Variants in KIF6 observed in about 807,000 individuals in gnomAD.
The protein encoded by KIF6 is kinesin family member 6, also known as kinesin-like protein KIF6.
A neutral mutation model predicts 112.7 loss-of-function variants in KIF6; 106 were observed. The observed-to-expected ratio is 0.94, with a 90% CI of 0.80 to 1.11. The LOEUF (loss-of-function observed/expected upper bound fraction) is 1.11, where lower values mean the gene tolerates loss of function less well. KIF6 is among the 50% of genes least tolerant of loss of function. The pLI, the probability that KIF6 is intolerant of heterozygous loss-of-function variation, is 0.00. For synonymous variants in KIF6, 339 were observed against 339.9 expected (o/e 1.00, Z 0.03); for missense variants, 929 against 964.0 (o/e 0.96, Z 0.48).
chr6:39,522,956 C>T (rs907943465), intron 13 of KIF6, among the ~76,000 whole-genome samples: 1 of 152,232 alleles, frequency 6.6e-6, no homozygotes, highest in African/African-American at 2.4e-5. Context: ...ATGGCTACAA[C>T]AGTCAATTAT....
chr6:39,544,794 T>C (rs1395729240), intron 11 of KIF6, 101 bp from the exon 12 acceptor site: 6 of 630,126 alleles, frequency 9.5e-6, no homozygotes, highest in Non-Finnish European at 1.6e-5. Flanking sequence ...ACATCAGGCA[T>C]GTGTGACCTG....
At chr6:39,606,844 T>C (rs939877048) in intron 6 of KIF6, among the ~76,000 whole-genome samples, 2 of 152,204 alleles carry the variant, frequency 1.3e-5, no homozygotes, top group Non-Finnish European at 2.9e-5. Context: ...CTCATCACTC[T>C]AACCAAAAGA....
Position 39,337,156 on chromosome 6 carries a change from TTTCTTTCTTTCCTTCC to T in KIF6, c.2429-624_2429-609del, listed in dbSNP as rs1473037935. On this transcript the variant is annotated intron_variant, in intron 22 of 22. Coordinates refer to ENST00000287152, the MANE Select transcript of KIF6 (RefSeq NM_145027.6). ...CCTTCCTTCCTTCCTTTCTCTTTCT[TTTCTTTCTTTCCTTCC>T]TTCTTTCTTTCTTTCTTTCTTTCTT... 1.5e-4 allele frequency among the ~76,000 whole-genome samples: 8 copies of T among 51,664 alleles called. No individual in the cohort carries two copies. In the African/African-American group the frequency reaches 1.6e-3, roughly 10 times the overall value. 33.9% of individuals were successfully genotyped at this position (51,664 alleles called of 152,430 possible). A position where few individuals can be genotyped will look rare whatever the true frequency, so the allele number is the denominator to read the frequency against.
chr6:39,519,093 T>A (rs554024413), intron 13 of KIF6, among the ~76,000 whole-genome samples: 1 of 152,274 alleles, frequency 6.6e-6, no homozygotes, highest in Non-Finnish European at 1.5e-5. Context: ...ATGAACACTC[T>A]TAGGCTAGCC....
At position 39,419,978 on chromosome 6, in the gene KIF6, C is replaced by T; in HGVS notation, c.1780G>A (p.Glu594Lys). 1 of 1,613,514 alleles carries T rather than the reference C, an allele frequency of 6.2e-7. No homozygotes were observed. Among genetic ancestry groups the T allele is most frequent in the Non-Finnish European group, 8.5e-7 (1 of 1,179,450 alleles). ...TTACTTCTTGCTTCATTTATACTTT[C>T]TCCCAGGGCCTTGGCTTCAGAAAAT... is the stretch of plus-strand genomic sequence containing the variant. ...QRFSEAKALG[E>K]SINEARSKIG... The change falls in exon 15 of 23, where the codon GAA (glutamate) becomes AAA (lysine). Residue 594 changes from glutamate (E) to lysine (K), a missense_variant. By Grantham distance (56) the Glu-to-Lys change is moderately conservative (BLOSUM62 1). Transcript: ENST00000287152.
At chr6:39,480,562 C>T (rs1042528537) in intron 13 of KIF6, among the ~76,000 whole-genome samples, 1 of 151,888 alleles carries the variant, frequency 6.6e-6, no homozygotes, top group Non-Finnish European at 1.5e-5. Context: ...TACGGTGATG[C>T]TGGCTTCACA....
At position 39,706,785 on chromosome 6, in the gene KIF6, GA is replaced by G. The variant is rs891832949; in HGVS notation, c.251+7906del. Reference sequence around the variant, plus strand: ...GTGAATAACGTTTCCTGTAAACTTGGAAAAAAAACAAAATGTCACTGGTGTT... The same window carrying G: ...GTGAATAACGTTTCCTGTAAACTTGGAAAAAAACAAAATGTCACTGGTGTT... On this transcript the variant is annotated intron_variant, in intron 3 of 22. Transcript: ENST00000287152. Among the ~76,000 whole-genome samples, 5 of 151,606 alleles carry G rather than the reference GA, an allele frequency of 3.3e-5. No individual in the cohort carries two copies. In the East Asian group the frequency reaches 7.7e-4, roughly 23 times the overall value.
chr6:39,414,516 G>A (rs970772826), intron 15 of KIF6, among the ~76,000 whole-genome samples: 2 of 152,180 alleles, frequency 1.3e-5, no homozygotes, highest in Admixed American at 6.5e-5. Context: ...CAGATGTAAC[G>A]CTGAGTGGCG....
intron 19 of KIF6, among the ~76,000 whole-genome samples, chr6:39,356,411 G>A (rs936474646): frequency 2.0e-5 from 3 of 151,870 alleles, no homozygotes; most frequent in East Asian, 1.9e-4. Context: ...GATTACAGGC[G>A]TGTGCCACCG....
intron 15 of KIF6, among the ~76,000 whole-genome samples, chr6:39,386,120 A>G (rs1297145474): frequency 6.6e-6 from 1 of 152,196 alleles, no homozygotes. Flanking sequence ...ACTGACAATA[A>G]CCCTAATAGT....
intron 15 of KIF6, among the ~76,000 whole-genome samples, chr6:39,417,432 T>C (rs1338552800): frequency 3.3e-5 from 5 of 152,248 alleles, no homozygotes; most frequent in Non-Finnish European, 7.3e-5. Flanking sequence ...CAATGGAAGC[T>C]TGAATCTCAA....
At chr6:39,692,403 A>G (rs1788268791) in intron 3 of KIF6, among the ~76,000 whole-genome samples, 1 of 152,146 alleles carries the variant, frequency 6.6e-6, no homozygotes, top group South Asian at 2.1e-4. Flanking sequence ...CAATCACCTA[A>G]CTTTCCCCAA....
At chr6:39,655,541 T>C (rs1033226191) in intron 3 of KIF6, among the ~76,000 whole-genome samples, 2 of 152,170 alleles carry the variant, frequency 1.3e-5, no homozygotes, top group Non-Finnish European at 2.9e-5. Context: ...TAAATGTGTT[T>C]TCTGCATTTC....
intron 13 of KIF6, among the ~76,000 whole-genome samples, chr6:39,463,238 C>T (rs1321251997): frequency 6.6e-6 from 1 of 152,152 alleles, no homozygotes; most frequent in Non-Finnish European, 1.5e-5. Flanking sequence ...CATTTTCTCT[C>T]CTTTATCTCA....
At chr6:39,446,187 G>T (rs985208198) in intron 13 of KIF6, among the ~76,000 whole-genome samples, 8 of 152,174 alleles carry the variant, frequency 5.3e-5, no homozygotes, top group African/African-American at 1.9e-4. Context: ...TAAGTTTCAG[G>T]CTCCACATCT....
chr6:39,613,077 T>C (rs1783303144), intron 6 of KIF6, 112 bp downstream of exon 6: 1 of 786,726 alleles, frequency 1.3e-6, no homozygotes, highest in East Asian at 3.3e-5. Context: ...AGATTATTTT[T>C]AAGGTCATTG....
At chr6:39,552,793 C>A (rs1056211355) in intron 10 of KIF6, among the ~76,000 whole-genome samples, 2 of 151,956 alleles carry the variant, frequency 1.3e-5, no homozygotes, top group African/African-American at 2.4e-5. Flanking sequence ...TGGTAGGGGG[C>A]AAAGGATGGG....
At chr6:39,640,859 G>A (rs1206520135) in intron 3 of KIF6, among the ~76,000 whole-genome samples, 7 of 152,238 alleles carry the variant, frequency 4.6e-5, no homozygotes, top group Admixed American at 4.6e-4. Flanking sequence ...TCAGCAACAC[G>A]TCAATGCATC....
chr6:39,691,510 G>T lies in KIF6; in HGVS notation c.251+23182C>A, dbSNP rs1022319853. 7 of 151,950 alleles carry T rather than the reference G, an allele frequency of 4.6e-5. No individual in the cohort carries two copies. The East Asian group carries it at 1.3e-3, about 29-fold the overall frequency. 9.4% of individuals were successfully genotyped at this position (151,950 alleles called of 1,614,324 possible). A position where few individuals can be genotyped will look rare whatever the true frequency, so the allele number is the denominator to read the frequency against. ...CATGTATAAATGTTTCAATATTTTT[G>T]GCTACATAATTTTTTATATTATTAG... On this transcript the variant is annotated intron_variant, in intron 3 of 22. Coordinates refer to ENST00000287152, the MANE Select transcript of KIF6 (RefSeq NM_145027.6).
Sources: gnomAD v4.1 joint callset for allele counts (sites outside exome capture counted in the v4.1 genomes callset) on GRCh38, gnomAD v4.1.1 for gene constraint, MANE v1.5 for transcripts, NCBI Gene and HGNC (gene_info 2026-07-23, HGNC 2026-07-21) for gene names.